AFG1L: variants seen among roughly 807,000 people sequenced by gnomAD.
AFG1L encodes AFG1 like ATPase, also known as AFG1-like ATPase.
A neutral mutation model predicts 62.2 loss-of-function variants in AFG1L; 53 were observed. The observed-to-expected ratio is 0.85, with a 90% CI of 0.68 to 1.07. AFG1L has a LOEUF of 1.07. AFG1L is among the 50% of genes least tolerant of loss of function. The probability of loss-of-function intolerance (pLI) is 0.00; values close to 1 mark genes in which losing one functional copy is unlikely to be tolerated. For missense variants in AFG1L, 555 were observed against 590.5 expected (o/e 0.94, Z 0.62); for synonymous variants, 228 against 210.3 (o/e 1.08, Z -0.73).
chr6:108,387,036 A>G (rs117119701), intron 6 of AFG1L, among the ~76,000 whole-genome samples: 3,760 of 152,374 alleles, frequency 0.025, 51 homozygotes, highest in Non-Finnish European at 0.039. Flanking sequence ...GAACATTCCA[A>G]TTAAAAGGTA....
chr6:108,483,902 C>A (rs1773423968), intron 10 of AFG1L, among the ~76,000 whole-genome samples: 3 of 152,024 alleles, frequency 2.0e-5, no homozygotes, highest in Admixed American at 2.0e-4. Context: ...TATAAGTATA[C>A]CATATAGTAT....
At position 108,441,723 on chromosome 6, in the gene AFG1L, ATATATATAAACTGAGTGTTAG is replaced by A. The variant is rs1215898351; in HGVS notation, c.808-5487_808-5467del. Among the ~76,000 whole-genome samples the A allele has an allele frequency of 9.5e-4, 134 of 140,626 alleles. 1 individual carries two copies. The highest frequency in any genetic ancestry group is 3.9e-3 in the African/African-American group (128 of 32,836). 92.3% of individuals were successfully genotyped at this position (140,626 alleles called of 152,430 possible). ...ATTTAAAAAAAAAAAATATATATAT[ATATATATAAACTGAGTGTTAG>A]TATTTTTCAGACAATTAAGTGCTAA... On this transcript the variant is annotated intron_variant, in intron 7 of 12. Coordinates refer to ENST00000368977, the MANE Select transcript of AFG1L (RefSeq NM_145315.5).
chr6:108,491,470 A>C (rs1773777707), intron 10 of AFG1L, among the ~76,000 whole-genome samples: 1 of 152,196 alleles, frequency 6.6e-6, no homozygotes, highest in African/African-American at 2.4e-5. Context: ...ACATAATGAC[A>C]AAGTAAAGTT....
At chr6:108,485,763 C>T (rs577904616) in intron 10 of AFG1L, among the ~76,000 whole-genome samples, 29 of 144,468 alleles carry the variant, frequency 2.0e-4, no homozygotes, top group African/African-American at 7.0e-4. Flanking sequence ...CTCAGCCCCC[C>T]AGGCTCAAGC....
At chr6:108,494,059 C>G (rs769170087) in intron 10 of AFG1L, among the ~76,000 whole-genome samples, 31 of 152,178 alleles carry the variant, frequency 2.0e-4, no homozygotes, top group South Asian at 4.2e-4. Flanking sequence ...CGAGCTCAAG[C>G]AATCCGCCCG....
At chr6:108,378,935 A>G (rs1404393302) in intron 6 of AFG1L, among the ~76,000 whole-genome samples, 1 of 149,502 alleles carries the variant, frequency 6.7e-6, no homozygotes, top group Non-Finnish European at 1.5e-5. Context: ...AATGCTTGGT[A>G]AGATCTTTTG....
chr6:108,300,914 C>T (rs527347413), intron 1 of AFG1L, among the ~76,000 whole-genome samples: 100 of 152,190 alleles, frequency 6.6e-4, no homozygotes, highest in African/African-American at 2.2e-3. Flanking sequence ...CCTTGTGATC[C>T]GCCCGACTTG....
At chr6:108,496,386 C>A (rs1055151107) in intron 10 of AFG1L, among the ~76,000 whole-genome samples, 22 of 152,118 alleles carry the variant, frequency 1.4e-4, no homozygotes, top group Non-Finnish European at 2.8e-4. Context: ...GTGTGTTATG[C>A]AAAACTCTGT....
At chr6:108,353,001 A>G (rs1195472022) in intron 3 of AFG1L, among the ~76,000 whole-genome samples, 1 of 152,132 alleles carries the variant, frequency 6.6e-6, no homozygotes, top group African/African-American at 2.4e-5. Context: ...TCATCCATTA[A>G]TGGATGTTTG....
At chr6:108,432,859 T>A (rs1437613594) in intron 7 of AFG1L, among the ~76,000 whole-genome samples, 1 of 151,986 alleles carries the variant, frequency 6.6e-6, no homozygotes, top group East Asian at 1.9e-4. Flanking sequence ...CCCAGGTGAG[T>A]CTAATGGGCA....
chr6:108,326,520 A>G (rs1778050589), intron 2 of AFG1L, among the ~76,000 whole-genome samples: 1 of 152,238 alleles, frequency 6.6e-6, no homozygotes, highest in South Asian at 2.1e-4. Context: ...GAAAACATTA[A>G]TAGTAGTAAG....
At chr6:108,428,771 G>A (rs1391668260) in intron 7 of AFG1L, among the ~76,000 whole-genome samples, 1 of 151,988 alleles carries the variant, frequency 6.6e-6, no homozygotes, top group African/African-American at 2.4e-5. Flanking sequence ...GTCTATTCGT[G>A]TTATTTTTCA....
chr6:108,395,493 T>C (rs1006248428), intron 6 of AFG1L, among the ~76,000 whole-genome samples: 1 of 144,372 alleles, frequency 6.9e-6, no homozygotes, highest in African/African-American at 2.6e-5. Context: ...TCTCAACCTC[T>C]CAGGTTCAGG....
At chr6:108,382,303 C>T (rs1780584308) in intron 6 of AFG1L, among the ~76,000 whole-genome samples, 1 of 151,938 alleles carries the variant, frequency 6.6e-6, no homozygotes, top group Non-Finnish European at 1.5e-5. Flanking sequence ...CCTGGCTATT[C>T]ACTGTTTATT....
intron 2 of AFG1L, among the ~76,000 whole-genome samples, chr6:108,340,515 C>A (rs1778642723): frequency 6.6e-6 from 1 of 152,104 alleles, no homozygotes; most frequent in South Asian, 2.1e-4. Flanking sequence ...CAGGCGTGTG[C>A]CACCACAGCC....
chr6:108,438,312 C>A (rs1366870987), intron 7 of AFG1L, among the ~76,000 whole-genome samples: 1 of 152,148 alleles, frequency 6.6e-6, no homozygotes, highest in Non-Finnish European at 1.5e-5. Flanking sequence ...TCTCCTGAGG[C>A]CTCTCTCCGT....
intron 6 of AFG1L, among the ~76,000 whole-genome samples, chr6:108,394,686 A>G (rs1781213755): frequency 6.6e-6 from 1 of 152,080 alleles, no homozygotes; most frequent in Admixed American, 6.6e-5. Context: ...GTGGTATTTC[A>G]TTGTACAGAT....
At chr6:108,344,833 A>C (rs988977428) in intron 2 of AFG1L, 3 of 470,310 alleles carry the variant, frequency 6.4e-6, no homozygotes, top group African/African-American at 6.0e-5. Context: ...AAAATTCAAG[A>C]TGGTTATTTG....
At chr6:108,474,071 C>G (rs1773016154) in intron 8 of AFG1L, among the ~76,000 whole-genome samples, 2 of 152,130 alleles carry the variant, frequency 1.3e-5, no homozygotes, top group Admixed American at 1.3e-4. Context: ...GTGTGTTGTT[C>G]CCCTCCATGT....
Sources: gnomAD v4.1 joint callset for allele counts (sites outside exome capture counted in the v4.1 genomes callset) on GRCh38, gnomAD v4.1.1 for gene constraint, MANE v1.5 for transcripts, NCBI Gene and HGNC (gene_info 2026-07-23, HGNC 2026-07-21) for gene names.